Variants in PRRC1 observed in about 807,000 individuals in gnomAD.
PRRC1 encodes the protein protein PRRC1.
Under a neutral mutation model 40.7 loss-of-function variants are expected in PRRC1, and 39 were observed. The ratio of observed to expected loss-of-function variants is 0.96; its 90% CI spans 0.74 to 1.25. The LOEUF is 1.25. Among genes scored for constraint, PRRC1 ranks in the 50% most tolerant of loss-of-function variants. The pLI is 0.00. For missense variants in PRRC1, 573 were observed against 548.3 expected (o/e 1.05, Z -0.45); for synonymous variants, 175 against 193.3 (o/e 0.91, Z 0.79).
Position 127,551,475 on chromosome 5 carries a change from G to A in PRRC1, c.1129-232G>A, listed in dbSNP as rs368417499. ...TTTAGAACTAGAACTCAAACCTTCC[G>A]ACTGTTAGCCTCGTTAATGGGGATA... On this transcript the variant is annotated intron_variant, in intron 8 of 8. Transcript: ENST00000296666. 30 of 480,754 alleles carry A rather than the reference G, an allele frequency of 6.2e-5. No individual in the cohort carries two copies. In the South Asian group the frequency reaches 6.3e-4, roughly 10 times the overall value. 29.8% of individuals were successfully genotyped at this position (480,754 alleles called of 1,614,324 possible).
chr5:127,518,996 G>A (rs559815853), intron 1 of PRRC1, among the ~76,000 whole-genome samples: 3 of 151,864 alleles, frequency 2.0e-5, no homozygotes, highest in Non-Finnish European at 4.4e-5. Flanking sequence ...TTGCCATTAC[G>A]GCAGTTTTCA....
intron 7 of PRRC1, 56 bp downstream of exon 7, chr5:127,539,199 A>G: frequency 2.3e-6 from 3 of 1,325,960 alleles, no homozygotes; most frequent in East Asian, 4.6e-5. Context: ...GGGAGTTGAC[A>G]CTGAATACTT....
At chr5:127,536,081 CCTTTTCA>C (rs994284987) in intron 6 of PRRC1, among the ~76,000 whole-genome samples, 5 of 152,124 alleles carry the variant, frequency 3.3e-5, no homozygotes, top group African/African-American at 1.2e-4. Flanking sequence ...ATGTTTTCTG[CCTTTTCA>C]CTTTTCACAG....
intron 8 of PRRC1, 194 bp downstream of exon 8, chr5:127,548,115 T>C (rs1768275885): frequency 1.6e-6 from 1 of 631,408 alleles, no homozygotes. Context: ...CTCCTTTTGT[T>C]TTCCAGGTGT....
chr5:127,530,438 A>G (rs1165420357), intron 5 of PRRC1, 42 bp downstream of exon 5: 3 of 1,351,648 alleles, frequency 2.2e-6, no homozygotes, highest in South Asian at 1.2e-5. Flanking sequence ...TTTTTTTTTT[A>G]AGGGTATGTC....
rs1312595788 is a variant in PRRC1, at chr5:127,533,613, G to A, written c.758-10G>A. On this transcript the variant is annotated splice_polypyrimidine_tract_variant and intron_variant, in intron 5 of 8. Coordinates refer to ENST00000296666, the MANE Select transcript of PRRC1 (RefSeq NM_130809.5). Reference sequence around the variant, plus strand: ...AATTTGAAAGTTAAATTTTCCTCTGGTCTTTTTAGAATCTGGAGGTGAACT... The same window carrying A: ...AATTTGAAAGTTAAATTTTCCTCTGATCTTTTTAGAATCTGGAGGTGAACT... 1 of 1,604,134 alleles carries A rather than the reference G, an allele frequency of 6.2e-7. No individual in the cohort carries two copies. Among genetic ancestry groups the A allele is most frequent in the Admixed American group, 1.7e-5 (1 of 57,598 alleles).
intron 7 of PRRC1, among the ~76,000 whole-genome samples, chr5:127,541,456 T>C (rs1768042968): frequency 6.6e-6 from 1 of 151,862 alleles, no homozygotes; most frequent in South Asian, 2.1e-4. Flanking sequence ...ATGGTACCAG[T>C]TCCTCCTTGT....
intron 6 of PRRC1, among the ~76,000 whole-genome samples, chr5:127,538,130 T>C (rs557845866): frequency 2.0e-5 from 3 of 152,016 alleles, no homozygotes; most frequent in Non-Finnish European, 4.4e-5. Flanking sequence ...CTTTACAAGC[T>C]AGTATCTTAA....
At chr5:127,534,709 A>C (rs762823143) in intron 6 of PRRC1, among the ~76,000 whole-genome samples, 1 of 152,118 alleles carries the variant, frequency 6.6e-6, no homozygotes, top group Non-Finnish European at 1.5e-5. Flanking sequence ...CATGGCTTTA[A>C]ATACTGTCTC....
intron 4 of PRRC1, among the ~76,000 whole-genome samples, chr5:127,529,537 T>C (rs1767709375): frequency 6.6e-6 from 1 of 152,158 alleles, no homozygotes; most frequent in South Asian, 2.1e-4. Flanking sequence ...ACTCATCTTT[T>C]CCTGAGTCAC....
At position 127,551,841 on chromosome 5, in the gene PRRC1, T is replaced by C; in HGVS notation, c.1263T>C (p.Arg421=). The part of the protein sequence containing the change: ...DWHMAFTGMS[R]RQMIYSAARA... ...ACATGGCATTTACTGGGATGTCCCG[T>C]CGGCAGATGATCTACAGTGCAGCCA... Residue 421 remains arginine, a synonymous_variant, in exon 9 of 9, where the codon CGT becomes CGC. Transcript: ENST00000296666. The C allele has an allele frequency of 1.2e-6, 2 of 1,614,076 alleles. No homozygotes were observed. Among genetic ancestry groups the C allele is most frequent in the Non-Finnish European group, 1.7e-6 (2 of 1,179,988 alleles).
intron 2 of PRRC1, 167 bp downstream of exon 2, chr5:127,523,749 T>C (rs1418754228): frequency 4.6e-5 from 20 of 438,592 alleles, no homozygotes; most frequent in Non-Finnish European, 7.2e-5. Context: ...GAAAGTCTTG[T>C]GTATTTAAAG....
chr5:127,551,360 C>T, intron 8 of PRRC1: 6 of 223,808 alleles, frequency 2.7e-5, no homozygotes, highest in East Asian at 2.3e-4. Flanking sequence ...TTCAGTTTTC[C>T]TCTTTCTGGT....
At chr5:127,545,229 C>T (rs1768180569) in intron 7 of PRRC1, among the ~76,000 whole-genome samples, 2 of 151,556 alleles carry the variant, frequency 1.3e-5, no homozygotes, top group African/African-American at 4.9e-5. Flanking sequence ...GTCAGTGTGG[C>T]GATTCCTCAG....
At chr5:127,548,778 G>A (rs1377414953) in intron 8 of PRRC1, 1 of 151,958 alleles carries the variant, frequency 6.6e-6, no homozygotes, top group East Asian at 1.9e-4. Flanking sequence ...GTAACCTCTG[G>A]CCTACTTATT....
At chr5:127,529,398 G>C (rs1436755018) in intron 4 of PRRC1, among the ~76,000 whole-genome samples, 1 of 151,818 alleles carries the variant, frequency 6.6e-6, no homozygotes, top group African/African-American at 2.4e-5. Flanking sequence ...TTTGTCCCTC[G>C]TTAAGAGCAT....
At position 127,554,817 on chromosome 5, in the gene PRRC1, G is replaced by A. The variant is rs1768484525; in HGVS notation, c.*2901G>A. 6.6e-6 allele frequency: 1 copy of A among 152,490 alleles called. No homozygotes were observed. The highest frequency in any genetic ancestry group is 1.5e-5 in the Non-Finnish European group (1 of 68,012). The allele number at this position is 152,490 out of a possible 1,614,324, so 9.4% of individuals were successfully genotyped here. A position where few individuals can be genotyped will look rare whatever the true frequency, so the allele number is the denominator to read the frequency against. On this transcript the variant is annotated 3_prime_UTR_variant, in exon 9 of 9. Coordinates refer to ENST00000296666, the MANE Select transcript of PRRC1 (RefSeq NM_130809.5). ...ATTATGCAAGTTAGTAATTACTCAGGGTTAACTAAATTACTTTAATATGCT... is the reference window on the plus strand; with the variant it reads ...ATTATGCAAGTTAGTAATTACTCAGAGTTAACTAAATTACTTTAATATGCT...
rs1342123155 is a variant in PRRC1 at position 127,524,754 on chromosome 5, C to T, written c.327C>T (p.His109=). Residue 109 remains histidine (H), a synonymous_variant, in exon 3 of 9, where the codon CAC becomes CAT. Coordinates refer to ENST00000296666, the MANE Select transcript of PRRC1 (RefSeq NM_130809.5). The part of the protein sequence containing the change: ...AAAFGNPPVS[H]FPPSTSAPNT... ...CCTTCGGTAATCCTCCTGTATCTCACTTCCCACCTTCAACTTCTGCCCCAA... is the reference window on the plus strand; with the variant it reads ...CCTTCGGTAATCCTCCTGTATCTCATTTCCCACCTTCAACTTCTGCCCCAA... 2 of 1,614,208 alleles carry T rather than the reference C, an allele frequency of 1.2e-6. No individual in the cohort carries two copies. Among genetic ancestry groups the T allele is most frequent in the Non-Finnish European group, 1.7e-6 (2 of 1,180,036 alleles).
At chr5:127,537,619 C>T (rs538805314) in intron 6 of PRRC1, among the ~76,000 whole-genome samples, 6 of 152,014 alleles carry the variant, frequency 3.9e-5, no homozygotes, top group African/African-American at 1.4e-4. Context: ...CAAACTTAGT[C>T]TCTGTTCCCT....
Sources: gnomAD v4.1 joint callset for allele counts (sites outside exome capture counted in the v4.1 genomes callset) on GRCh38, gnomAD v4.1.1 for gene constraint, MANE v1.5 for transcripts, NCBI Gene and HGNC (gene_info 2026-07-23, HGNC 2026-07-21) for gene names.